The following SATB1 variants were observed in gnomAD, a reference collection of about 807,000 sequenced individuals.
The protein encoded by SATB1 is DNA-binding protein SATB1.
SATB1 carries 11 observed loss-of-function variants against 86.9 expected under a neutral mutation model. That is an observed-to-expected ratio of 0.13 (90% CI 0.08 to 0.21). The LOEUF (loss-of-function observed/expected upper bound fraction) is 0.21, where lower values mean the gene tolerates loss of function less well. SATB1 is among the 10% of genes least tolerant of loss of function. The pLI, the probability that SATB1 is intolerant of heterozygous loss-of-function variation, is 1.00. For synonymous variants in SATB1, 357 were observed against 357.2 expected, an observed-to-expected ratio of 1.00 and a Z score of 0.01; for missense variants, 551 against 937.6, an observed-to-expected ratio of 0.59 and a Z score of 5.39.
intron 5 of SATB1, among the ~76,000 whole-genome samples, chr3:18,402,544 G>C (rs1175092617): frequency 6.6e-6 from 1 of 151,998 alleles, no homozygotes; most frequent in East Asian, 1.9e-4. Flanking sequence ...AGAAAATAAA[G>C]AGAAAACCAT....
chr3:18,436,695 G>A (rs1274298610), intron 2 of SATB1: 1 of 152,016 alleles, frequency 6.6e-6, no homozygotes, highest in Non-Finnish European at 1.5e-5. Context: ...TGCTCAATAC[G>A]TACAAGGCAC....
upstream of SATB1, among the ~76,000 whole-genome samples, chr3:18,442,444 T>C (rs1699266220): frequency 1.3e-5 from 2 of 152,182 alleles, no homozygotes; most frequent in South Asian, 4.1e-4. Flanking sequence ...TAGAAAAAAC[T>C]ATGAAGTAGT....
chr3:18,422,758 G>A (rs1233990184), intron 1 of SATB1, among the ~76,000 whole-genome samples: 1 of 152,132 alleles, frequency 6.6e-6, no homozygotes, highest in East Asian at 1.9e-4. Flanking sequence ...AAAATCTTTA[G>A]CCCTTGGGGC....
chr3:18,346,738 C>T lies in SATB1; in HGVS notation c.*2432G>A, dbSNP rs1017156155. ...AAACATTCAAACATTCATCATTTCA[C>T]TGAAAACACTATTTCAAAATAATTT... On this transcript the variant is annotated 3_prime_UTR_variant, in exon 11 of 11. Transcript: ENST00000338745. The T allele has an allele frequency of 6.6e-6, 1 of 152,078 alleles. No individual in the cohort carries two copies. The highest frequency in any genetic ancestry group is 2.4e-5 in the African/African-American group (1 of 41,408). The allele number at this position is 152,078 out of a possible 1,614,324, so 9.4% of individuals were successfully genotyped here.
chr3:18,413,289 T>A (rs1457234064), intron 5 of SATB1, among the ~76,000 whole-genome samples: 1 of 152,116 alleles, frequency 6.6e-6, no homozygotes, highest in African/African-American at 2.4e-5. Flanking sequence ...ATTGGCTGAA[T>A]GTTGATGTCA....
At chr3:18,415,000 TGGCAGA>T in intron 5 of SATB1, 105 bp downstream of exon 5, 2 of 1,239,732 alleles carry the variant, frequency 1.6e-6, no homozygotes, top group Admixed American at 2.0e-5. Flanking sequence ...TTTGCATTTT[TGGCAGA>T]TTCTTGCTTC....
At chr3:18,427,340 C>A (rs1207309858), upstream of SATB1, among the ~76,000 whole-genome samples, 1 of 152,014 alleles carries the variant, frequency 6.6e-6, no homozygotes, top group Non-Finnish European at 1.5e-5. Context: ...CCTTGTTGTA[C>A]AAATTTACAA....
chr3:18,395,782 C>T (rs181208738), intron 6 of SATB1, among the ~76,000 whole-genome samples: 1 of 152,316 alleles, frequency 6.6e-6, no homozygotes, highest in Non-Finnish European at 1.5e-5. Flanking sequence ...AGGATGAATG[C>T]TTCTTCCTTG....
In SATB1 at chr3:18,348,243, T is replaced by C. The variant is rs1694159474; in HGVS notation, c.*927A>G. Reference sequence around the variant, plus strand: ...TTTTATTTACCTAAGCTTATTTGCATGATAGTAAAAATTGCATACAACAAT... The same window carrying C: ...TTTTATTTACCTAAGCTTATTTGCACGATAGTAAAAATTGCATACAACAAT... On this transcript the variant is annotated 3_prime_UTR_variant, in exon 11 of 11. Transcript: ENST00000338745. The C allele has an allele frequency of 6.6e-6, 1 of 152,670 alleles. No individual in the cohort carries two copies. Among genetic ancestry groups the C allele is most frequent in the African/African-American group, 2.4e-5 (1 of 41,456 alleles). The allele number at this position is 152,670 out of a possible 1,614,324, so 9.5% of individuals were successfully genotyped here. A position where few individuals can be genotyped will look rare whatever the true frequency, so the allele number is the denominator to read the frequency against.
In SATB1 at chr3:18,386,446, T is replaced by C. The variant is rs1559422098; in HGVS notation, c.1372A>G (p.Met458Val). 15 of 1,614,110 alleles carry C rather than the reference T, an allele frequency of 9.3e-6. No individual in the cohort carries two copies. The highest frequency in any genetic ancestry group is 1.3e-5 in the Non-Finnish European group (15 of 1,180,024). Reference protein sequence around the residue: ...RERSLNAASAMGPAPLISTPP... With the variant: ...RERSLNAASAVGPAPLISTPP... ...GTGCTGATGAGGGGGGCAGGACCCA[T>C]GGCCGAGGCAGCATTCAAGCTCCTT... Residue 458 changes from methionine (M) to valine (V), a missense_variant, in exon 8 of 11, where the codon ATG becomes GTG. This residue lies in a region of SATB1 where 110 missense variants were observed against 212.2 expected (regional missense o/e 0.52). Coordinates refer to ENST00000338745, the MANE Select transcript of SATB1 (RefSeq NM_002971.6). The surrounding 1 kb of genome is among the most constrained non-coding windows in gnomAD (Gnocchi z 4.5).
rs147570228 is a variant in SATB1 at position 18,400,809 on chromosome 3, T to G, written c.640-3519A>C. Among the ~76,000 whole-genome samples, 399 of 152,308 alleles carry G rather than the reference T, an allele frequency of 2.6e-3. 6 individuals carry two copies. The South Asian group carries it at 0.044, about 17-fold the overall frequency. Reference sequence around the variant, plus strand: ...TAAAATTTTCAAATGATATACAGTATTTTGAGTCTTTTTAATGTAGAATGA... The same window carrying G: ...TAAAATTTTCAAATGATATACAGTAGTTTGAGTCTTTTTAATGTAGAATGA... On this transcript the variant is annotated intron_variant, in intron 5 of 10. Coordinates refer to ENST00000338745, the MANE Select transcript of SATB1 (RefSeq NM_002971.6).
At chr3:18,357,041 A>G (rs1163145210) in intron 9 of SATB1, among the ~76,000 whole-genome samples, 3 of 151,902 alleles carry the variant, frequency 2.0e-5, no homozygotes, top group African/African-American at 7.2e-5. Flanking sequence ...GAGAAAGAAA[A>G]TGACAATTCT....
At chr3:18,354,819 G>A (rs1559391399) in intron 9 of SATB1, among the ~76,000 whole-genome samples, 2 of 151,998 alleles carry the variant, frequency 1.3e-5, no homozygotes, top group Non-Finnish European at 2.9e-5. Flanking sequence ...ACTCATGCTG[G>A]TTTAACAAAT....
chr3:18,389,261 G>GTTTTT (rs35192555), intron 7 of SATB1, among the ~76,000 whole-genome samples: 4 of 129,692 alleles, frequency 3.1e-5, no homozygotes, highest in South Asian at 2.5e-4. Context: ...AAACCTTTGG[G>GTTTTT]TTTTTTTTTT....
Position 18,444,517 on chromosome 3 carries a change from A to C in SATB1, c.-25+1001T>G, listed in dbSNP as rs1048488382. ...AGGGGACGAGGAGTGGGTGCTACGG[A>C]GAAGTTTGGATTGATTCCGGAAAAA... On this transcript the variant is annotated intron_variant, in intron 1 of 3. Transcript: ENST00000415069. This position sits in a 1 kb window ranked among gnomAD's most constrained non-coding sequence, Gnocchi z 5.1. 1 of 922,780 alleles carries C rather than the reference A, an allele frequency of 1.1e-6. No homozygotes were observed. Among genetic ancestry groups the C allele is most frequent in the Non-Finnish European group, 1.3e-6 (1 of 772,950 alleles). 57.2% of individuals were successfully genotyped at this position (922,780 alleles called of 1,614,324 possible). A position where few individuals can be genotyped will look rare whatever the true frequency, so the allele number is the denominator to read the frequency against.
intron 5 of SATB1, among the ~76,000 whole-genome samples, chr3:18,400,925 C>T (rs1197498187): frequency 6.6e-6 from 1 of 152,156 alleles, no homozygotes; most frequent in Non-Finnish European, 1.5e-5. Flanking sequence ...TTCTCATACT[C>T]CAATTTGGTG....
Position 18,444,386 on chromosome 3 carries a change from C to T in SATB1, c.-25+1132G>A, listed in dbSNP as rs535896070. On this transcript the variant is annotated intron_variant, in intron 1 of 3. Transcript: ENST00000415069. The surrounding 1 kb of genome is among the most constrained non-coding windows in gnomAD (Gnocchi z 5.1). ...CAAATCCCCCATCCCGACCGCTCTCCCCTACTCTACCAGCCCACCCCTCCA... is the reference window on the plus strand; with the variant it reads ...CAAATCCCCCATCCCGACCGCTCTCTCCTACTCTACCAGCCCACCCCTCCA... Among the ~76,000 whole-genome samples, 149 of 152,080 alleles carry T rather than the reference C, an allele frequency of 9.8e-4. No individual in the cohort carries two copies. The highest frequency in any genetic ancestry group is 1.4e-3 in the Non-Finnish European group (93 of 67,968).
rs1698518825 is a variant in SATB1, at chr3:18,423,842, G to A, written c.-240C>T. 1 of 151,350 alleles carries A rather than the reference G, an allele frequency of 6.6e-6. No homozygotes were observed. The highest frequency in any genetic ancestry group is 2.4e-5 in the African/African-American group (1 of 41,182). 9.4% of individuals were successfully genotyped at this position (151,350 alleles called of 1,614,324 possible). A position where few individuals can be genotyped will look rare whatever the true frequency, so the allele number is the denominator to read the frequency against. On this transcript the variant is annotated 5_prime_UTR_variant, in exon 1 of 11. Coordinates refer to ENST00000338745, the MANE Select transcript of SATB1 (RefSeq NM_002971.6). ...CCCCCGCCCCCCTAAGCGGGGGAAG[G>A]GCAGAAATAAACGTCTAGAAGAGTA...
rs956416947 is a variant in SATB1 at position 18,369,951 on chromosome 3, G to A, written c.1575+8219C>T. 2.0e-5 allele frequency among the ~76,000 whole-genome samples: 3 copies of A among 152,188 alleles called. No homozygotes were observed. The East Asian group carries it at 5.8e-4, about 29-fold the overall frequency. On this transcript the variant is annotated intron_variant, in intron 9 of 10. Transcript: ENST00000338745. ...TGTGACCTTGTGCGTGCCTGCGTGT[G>A]TAAATAAAATTAATTACAAGCGAGA...
Sources: gnomAD v4.1 joint callset for allele counts (sites outside exome capture counted in the v4.1 genomes callset) on GRCh38, gnomAD v4.1.1 for gene constraint, gnomAD v4.1.1 regional missense constraint, Gnocchi (gnomAD v3.1) non-coding constraint, MANE v1.5 for transcripts, NCBI Gene and HGNC (gene_info 2026-07-23, HGNC 2026-07-21) for gene names.